Variants in ZNF536 observed in about 807,000 individuals in gnomAD.
The protein encoded by ZNF536 is zinc finger protein 536.
Under a neutral mutation model 84.5 loss-of-function variants are expected in ZNF536, and 13 were observed. That is an observed-to-expected ratio of 0.15 (90% confidence interval 0.10 to 0.24). ZNF536 has a LOEUF of 0.24. ZNF536 is among the 10% of genes least tolerant of loss of function. The pLI is 1.00. For missense variants in ZNF536, 1,536 were observed against 1,747.5 expected, an observed-to-expected ratio of 0.88 and a Z score of 2.16; for synonymous variants, 811 against 742.5, an observed-to-expected ratio of 1.09 and a Z score of -1.50.
intron 1 of ZNF536, among the ~76,000 whole-genome samples, chr19:30,656,928 T>G (rs1950560146): frequency 6.6e-6 from 1 of 152,164 alleles, no homozygotes; most frequent in Non-Finnish European, 1.5e-5. Context: ...GGCCTTTCTT[T>G]CCTTTAGTTA....
intron 1 of ZNF536, among the ~76,000 whole-genome samples, chr19:30,693,020 G>A (rs1302589342): frequency 6.7e-6 from 1 of 149,710 alleles, no homozygotes; most frequent in Non-Finnish European, 1.5e-5. Flanking sequence ...CAAAACCTGG[G>A]GGGGAGAGAG....
chr19:30,712,836 A>G (rs2052491827), exon 2 of ZNF536: 1 of 152,034 alleles, frequency 6.6e-6, no homozygotes, highest in Non-Finnish European at 1.5e-5. Flanking sequence ...AGTAAGCTTT[A>G]GGATTTTGAC....
intron 1 of ZNF536, among the ~76,000 whole-genome samples, chr19:30,638,055 T>C (rs955232931): frequency 1.3e-5 from 2 of 152,130 alleles, no homozygotes; most frequent in African/African-American, 4.8e-5. Context: ...GAAAACTCTT[T>C]CCTGAATGTT....
intron 1 of ZNF536, among the ~76,000 whole-genome samples, chr19:30,576,564 G>A (rs949013953): frequency 6.6e-6 from 1 of 152,156 alleles, no homozygotes; most frequent in Non-Finnish European, 1.5e-5. Flanking sequence ...GCTCTTCTAC[G>A]CTAGTGGCGC....
intron 1 of ZNF536, among the ~76,000 whole-genome samples, chr19:30,661,580 T>G (rs1297119794): frequency 6.6e-6 from 1 of 152,180 alleles, no homozygotes; most frequent in Non-Finnish European, 1.5e-5. Context: ...TTATTGGAAG[T>G]TTTTCCAAAG....
intron 1 of ZNF536, among the ~76,000 whole-genome samples, chr19:30,662,877 G>A (rs1355321213): frequency 6.6e-6 from 1 of 151,532 alleles, no homozygotes; most frequent in African/African-American, 2.4e-5. Context: ...AACTCAACGA[G>A]GATGATGGAA....
intron 1 of ZNF536, among the ~76,000 whole-genome samples, chr19:30,653,008 G>A (rs1007825454): frequency 6.6e-6 from 1 of 152,230 alleles, no homozygotes; most frequent in Non-Finnish European, 1.5e-5. Flanking sequence ...TCCCAGGACC[G>A]AATGGCGGCT....
intron 1 of ZNF536, among the ~76,000 whole-genome samples, chr19:30,664,486 G>A (rs73031168): frequency 0.024 from 3,684 of 152,224 alleles, 83 homozygotes; most frequent in Non-Finnish European, 0.037. Context: ...ACAGGCACTG[G>A]TCAGATCCCA....
At chr19:30,641,859 T>G (rs1318465465) in intron 1 of ZNF536, among the ~76,000 whole-genome samples, 1 of 152,148 alleles carries the variant, frequency 6.6e-6, no homozygotes, top group Non-Finnish European at 1.5e-5. Flanking sequence ...AGGATGGCAG[T>G]AGAGTGGGGC....
At chr19:30,615,237 G>A (rs10404908) in intron 1 of ZNF536, among the ~76,000 whole-genome samples, 130,824 of 151,092 alleles carry the variant, frequency 0.87, 56,742 homozygotes, top group East Asian at 0.98. Context: ...GAGCCACCGC[G>A]CCCGGCCTCA....
chr19:30,529,531 T>A (rs2044721105), intron 2 of ZNF536, among the ~76,000 whole-genome samples: 3 of 152,180 alleles, frequency 2.0e-5, no homozygotes. Flanking sequence ...CTCCTCTGAA[T>A]ACTTGGGGAA....
chr19:30,548,509 T>A lies in ZNF536; in HGVS notation c.2890T>A (p.Ser964Thr), dbSNP rs2045643811. Residue 964 changes from serine (S) to threonine (T), a missense_variant, in exon 4 of 5, where the codon TCC becomes ACC. Ser to Thr is a moderately conservative substitution (Grantham distance 58). Coordinates refer to ENST00000355537, the MANE Select transcript of ZNF536 (RefSeq NM_014717.3). Reference protein sequence around the residue: ...GGEEKPSGKSSQRKSEKSQYE... With the variant: ...GGEEKPSGKSTQRKSEKSQYE... ...TGAGGAGAAACCCAGTGGCAAGTCC[T>A]CCCAGAGGAAGTCCGAGAAATCTCA... The A allele has an allele frequency of 1.2e-6, 2 of 1,614,000 alleles. No homozygotes were observed. Among genetic ancestry groups the A allele is most frequent in the African/African-American group, 1.3e-5 (1 of 74,924 alleles).
At chr19:30,675,691 C>T (rs1375041006) in intron 1 of ZNF536, among the ~76,000 whole-genome samples, 2 of 152,194 alleles carry the variant, frequency 1.3e-5, no homozygotes, top group Non-Finnish European at 1.5e-5. Context: ...TCTGATTTCT[C>T]TGTCTCCTGG....
At chr19:30,274,042 C>A (rs2025995088) in intron 1 of ZNF536, among the ~76,000 whole-genome samples, 1 of 152,128 alleles carries the variant, frequency 6.6e-6, no homozygotes, top group Non-Finnish European at 1.5e-5. Flanking sequence ...GCATATATAA[C>A]TTGAATAACC....
intron 1 of ZNF536, among the ~76,000 whole-genome samples, chr19:30,430,824 G>T (rs530493873): frequency 6.6e-6 from 1 of 152,130 alleles, no homozygotes; most frequent in African/African-American, 2.4e-5. Context: ...ACAGGCATGC[G>T]CCACCATGCC....
intron 1 of ZNF536, among the ~76,000 whole-genome samples, chr19:30,594,722 C>G (rs148041002): frequency 6.6e-6 from 1 of 152,010 alleles, no homozygotes; most frequent in Non-Finnish European, 1.5e-5. Context: ...TGTGCTGCCT[C>G]CTCCCTCCCC....
intron 1 of ZNF536, among the ~76,000 whole-genome samples, chr19:30,675,708 GA>G (rs1156647660): frequency 6.6e-6 from 1 of 151,980 alleles, no homozygotes; most frequent in East Asian, 1.9e-4. Context: ...CTGGCGCCCA[GA>G]AAAAAGAGGA....
At chr19:30,230,187 T>C (rs1397699877) in intron 1 of ZNF536, among the ~76,000 whole-genome samples, 5 of 152,222 alleles carry the variant, frequency 3.3e-5, no homozygotes, top group Non-Finnish European at 7.3e-5. Context: ...TTAAGATTTC[T>C]TTTGATTTAC....
chr19:30,485,165 A>C (rs549901903), intron 2 of ZNF536, among the ~76,000 whole-genome samples: 9 of 151,812 alleles, frequency 5.9e-5, no homozygotes, highest in Non-Finnish European at 1.0e-4. Flanking sequence ...TAAATAAATA[A>C]ATAAATACAT....
Sources: gnomAD v4.1 joint callset for allele counts (sites outside exome capture counted in the v4.1 genomes callset) on GRCh38, gnomAD v4.1.1 for gene constraint, MANE v1.5 for transcripts, NCBI Gene and HGNC (gene_info 2026-07-23, HGNC 2026-07-21) for gene names.